Variants in FAM83D observed in about 807,000 individuals in gnomAD.
The protein encoded by FAM83D is scaffolding CK1 anchoring protein D.
In FAM83D, 26 loss-of-function variants were observed where a neutral mutation model predicts 25.4. The observed-to-expected ratio is 1.02, with a 90% CI of 0.75 to 1.42. The LOEUF (loss-of-function observed/expected upper bound fraction) is 1.42. Among genes scored for constraint, FAM83D ranks in the 40% most tolerant of loss-of-function variants. The pLI is 0.00. For missense variants in FAM83D, 740 were observed against 758.1 expected (o/e 0.98, Z 0.28); for synonymous variants, 310 against 318.5 (o/e 0.97, Z 0.28).
rs1420940964 is a variant in FAM83D, at chr20:38,941,809, G to C, written c.484-150G>C. 15 of 747,718 alleles carry C rather than the reference G, an allele frequency of 2.0e-5. No individual in the cohort carries two copies. The East Asian group carries it at 3.5e-4, about 17-fold the overall frequency. 46.3% of individuals were successfully genotyped at this position (747,718 alleles called of 1,614,324 possible). ...GAGATGCAAAAGAGTCCATGGTGAG[G>C]GGGGCACCAACACTGCAGAAGGGGG... On this transcript the variant is annotated intron_variant, in intron 1 of 3. Transcript: ENST00000619850.
In FAM83D at chr20:38,942,078, A is replaced by G; in HGVS notation, c.603A>G (p.Gln201=). ...YILLDQALLS[Q]FLDMCMDLKV... is the part of the protein sequence containing the mutation. ...TTCTGGACCAGGCTCTCCTCTCTCA[A>G]TTTCTGGATATGTGCATGGATCTGA... Residue 201 remains glutamine (Q), a synonymous_variant, in exon 2 of 4, where the codon CAA becomes CAG. Coordinates refer to ENST00000619850, the MANE Select transcript of FAM83D (RefSeq NM_030919.3). 1.2e-6 allele frequency: 2 copies of G among 1,614,192 alleles called. No homozygotes were observed. The highest frequency in any genetic ancestry group is 1.7e-6 in the Non-Finnish European group (2 of 1,180,036).
chr20:38,926,687 C>G lies in FAM83D; in HGVS notation c.245C>G (p.Ala82Gly). Reference sequence around the variant, plus strand: ...AGGCCGGGAGAGGAGGGCGCGGCGGCGGCGGCGGCGGCCGAGGACTCGTTC... The same window carrying G: ...AGGCCGGGAGAGGAGGGCGCGGCGGGGGCGGCGGCGGCCGAGGACTCGTTC... ...AERPGEEGAA[A>G]AAAAEDSFGS... The change falls in exon 1 of 4, where the codon GCG becomes GGG. Residue 82 changes from alanine (A) to glycine (G), a missense_variant. Ala to Gly is a moderately conservative substitution (Grantham distance 60). Around this residue, in one of 3 missense-constraint regions of FAM83D, gnomAD observed 333 missense variants for 298.6 expected, o/e 1.12. Coordinates refer to ENST00000619850, the MANE Select transcript of FAM83D (RefSeq NM_030919.3). The G allele has an allele frequency of 6.6e-7, 1 of 1,518,970 alleles. No individual in the cohort carries two copies. The highest frequency in any genetic ancestry group is 8.8e-7 in the Non-Finnish European group (1 of 1,140,146). 94.1% of individuals were successfully genotyped at this position (1,518,970 alleles called of 1,614,324 possible). A position where few individuals can be genotyped will look rare whatever the true frequency, so the allele number is the denominator to read the frequency against.
chr20:38,945,481 C>T (rs1368115024), intron 2 of FAM83D, among the ~76,000 whole-genome samples: 1 of 152,044 alleles, frequency 6.6e-6, no homozygotes, highest in African/African-American at 2.4e-5. Flanking sequence ...ACTCTTCACC[C>T]AAGTTCTCCA....
chr20:38,953,081 AATAAAT>A lies in FAM83D; in HGVS notation c.*567_*572del, dbSNP rs1355550428. 1 of 152,926 alleles carries A rather than the reference AATAAAT, an allele frequency of 6.5e-6. No homozygotes were observed. The highest frequency in any genetic ancestry group is 1.9e-4 in the East Asian group (1 of 5,206). 9.5% of individuals were successfully genotyped at this position (152,926 alleles called of 1,614,324 possible). A position where few individuals can be genotyped will look rare whatever the true frequency, so the allele number is the denominator to read the frequency against. ...TAGAATATCTGTGTTCTTAGCATTA[AATAAAT>A]ATAAACTTGTGCTTCTGTACTTTTT... On this transcript the variant is annotated 3_prime_UTR_variant, in exon 4 of 4. Transcript: ENST00000619850.
intron 2 of FAM83D, among the ~76,000 whole-genome samples, chr20:38,944,463 C>G (rs2085717412): frequency 6.6e-6 from 1 of 152,192 alleles, no homozygotes; most frequent in Admixed American, 6.5e-5. Flanking sequence ...TCAAGGTACT[C>G]TTTCTATAAT....
intron 1 of FAM83D, among the ~76,000 whole-genome samples, chr20:38,941,075 G>A (rs1376915545): frequency 6.6e-6 from 1 of 152,228 alleles, no homozygotes; most frequent in Non-Finnish European, 1.5e-5. Context: ...TGGGAGGCAT[G>A]AATGGAGCCA....
intron 1 of FAM83D, among the ~76,000 whole-genome samples, chr20:38,931,271 T>G (rs2085657852): frequency 6.6e-6 from 1 of 152,158 alleles, no homozygotes; most frequent in South Asian, 2.1e-4. Flanking sequence ...AGGTGGTCAG[T>G]TTTTAGAGTA....
Position 38,952,054 on chromosome 20 carries a change from C to G in FAM83D, c.1292C>G (p.Ser431Cys), listed in dbSNP as rs2085757708. Residue 431 changes from serine to cysteine, a missense_variant, in exon 4 of 4, where the codon TCT becomes TGT. Ser to Cys is a moderately radical substitution (Grantham distance 112). Coordinates refer to ENST00000619850, the MANE Select transcript of FAM83D (RefSeq NM_030919.3). ...GCAGTCATCACCAGGATAGCAAGCT[C>G]TCAAACCACGATTTGGTCCAGATCG... ...QTAVITRIAS[S>C]QTTIWSRSTT... 1.9e-6 allele frequency: 3 copies of G among 1,614,240 alleles called. No homozygotes were observed. In the South Asian group the frequency reaches 3.3e-5, roughly 18 times the overall value.
intron 1 of FAM83D, among the ~76,000 whole-genome samples, chr20:38,933,212 C>T (rs540002513): frequency 3.9e-5 from 6 of 152,272 alleles, no homozygotes; most frequent in African/African-American, 1.4e-4. Context: ...CCCATTCACT[C>T]GATGCCAATA....
chr20:38,926,947 T>G (rs1372321113), intron 1 of FAM83D, 22 bp downstream of exon 1: 1 of 1,417,996 alleles, frequency 7.1e-7, no homozygotes, highest in Non-Finnish European at 9.1e-7. Flanking sequence ...TCCAGGGCCC[T>G]GGGTCGCACG....
chr20:38,931,924 G>A (rs1338367971), intron 1 of FAM83D, among the ~76,000 whole-genome samples: 1 of 152,240 alleles, frequency 6.6e-6, no homozygotes, highest in Non-Finnish European at 1.5e-5. Context: ...TAGATAGGAA[G>A]AAAAGTAGTT....
At chr20:38,946,506 G>A (rs942386656) in intron 2 of FAM83D, among the ~76,000 whole-genome samples, 10 of 152,032 alleles carry the variant, frequency 6.6e-5, no homozygotes, top group Admixed American at 1.3e-4. Flanking sequence ...CCATGTTATC[G>A]TCATGCATGC....
intron 1 of FAM83D, among the ~76,000 whole-genome samples, chr20:38,933,626 T>A (rs1389025255): frequency 2.0e-5 from 3 of 152,230 alleles, no homozygotes; most frequent in Non-Finnish European, 4.4e-5. Flanking sequence ...CATTTCTCTT[T>A]AAAAATATTG....
At chr20:38,945,736 A>AC (rs1337392005) in intron 2 of FAM83D, among the ~76,000 whole-genome samples, 1,034 of 70,906 alleles carry the variant, frequency 0.015, 1 homozygote, top group African/African-American at 0.026. Flanking sequence ...ACCTGCCCCC[A>AC]CCCCCCCCCC....
chr20:38,930,134 C>A (rs1327853247), intron 1 of FAM83D, among the ~76,000 whole-genome samples: 2 of 152,170 alleles, frequency 1.3e-5, no homozygotes, highest in Non-Finnish European at 2.9e-5. Context: ...TTGACCACAT[C>A]CTTTGAAATC....
At chr20:38,932,692 A>G (rs2085663332) in intron 1 of FAM83D, among the ~76,000 whole-genome samples, 2 of 152,220 alleles carry the variant, frequency 1.3e-5, no homozygotes, top group African/African-American at 4.8e-5. Context: ...TGGAAGGGCT[A>G]CATAGCCTCA....
At chr20:38,945,567 A>G (rs535618093) in intron 2 of FAM83D, among the ~76,000 whole-genome samples, 1 of 152,318 alleles carries the variant, frequency 6.6e-6, no homozygotes, top group Admixed American at 6.5e-5. Flanking sequence ...TATCTAATTT[A>G]CAGACTTATA....
intron 3 of FAM83D, among the ~76,000 whole-genome samples, chr20:38,948,835 T>C (rs1191773742): frequency 1.3e-5 from 2 of 152,240 alleles, no homozygotes; most frequent in East Asian, 1.9e-4. Context: ...AAGAAAATCT[T>C]GACACCTTTC....
intron 1 of FAM83D, among the ~76,000 whole-genome samples, chr20:38,927,806 G>C (rs1358462594): frequency 6.6e-6 from 1 of 152,194 alleles, no homozygotes; most frequent in Non-Finnish European, 1.5e-5. Flanking sequence ...GCCCCCTGCC[G>C]CTTTTTCTAC....
Sources: allele counts gnomAD v4.1 joint callset (sites outside exome capture counted in the v4.1 genomes callset), GRCh38; gene constraint gnomAD v4.1.1; regional missense constraint gnomAD v4.1.1; transcripts MANE v1.5; gene names NCBI Gene and HGNC (gene_info 2026-07-23, HGNC 2026-07-21).